Variants in SNCAIP observed in about 807,000 individuals in gnomAD.
SNCAIP encodes the protein synuclein alpha interacting protein, also known as synphilin-1.
Under a neutral mutation model 86.7 loss-of-function variants are expected in SNCAIP, and 43 were observed. The ratio of observed to expected loss-of-function variants is 0.50; its 90% CI spans 0.39 to 0.64. SNCAIP has a LOEUF of 0.64. Ranked by LOEUF, SNCAIP falls within the 30% of genes least tolerant of loss-of-function variation. The probability of loss-of-function intolerance (pLI) is 0.00; values close to 1 mark genes in which losing one functional copy is unlikely to be tolerated. For synonymous variants in SNCAIP, 417 were observed against 427.2 expected (o/e 0.98, Z 0.29); for missense variants, 981 against 1,103.1 (o/e 0.89, Z 1.57).
intron 1 of SNCAIP, among the ~76,000 whole-genome samples, chr5:122,384,694 A>G (rs1345166922): frequency 2.0e-5 from 3 of 152,256 alleles, no homozygotes; most frequent in Non-Finnish European, 4.4e-5. Context: ...GCAAGGAAGA[A>G]ATGCAGGCTC....
At chr5:122,388,091 T>C (rs1768586768) in intron 1 of SNCAIP, among the ~76,000 whole-genome samples, 1 of 152,112 alleles carries the variant, frequency 6.6e-6, no homozygotes, top group Non-Finnish European at 1.5e-5. Context: ...TCTGGGAAAA[T>C]GGGGAGCACA....
At chr5:122,436,108 A>G (rs1779410763) in intron 6 of SNCAIP, among the ~76,000 whole-genome samples, 2 of 152,138 alleles carry the variant, frequency 1.3e-5, no homozygotes, top group South Asian at 4.1e-4. Context: ...CAGAAAACAG[A>G]GTCATGAAGA....
chr5:122,356,341 C>T (rs1761014206), intron 1 of SNCAIP, among the ~76,000 whole-genome samples: 1 of 152,016 alleles, frequency 6.6e-6, no homozygotes, highest in African/African-American at 2.4e-5. Flanking sequence ...TGGTCTTGAA[C>T]TCACAGGCTC....
intron 2 of SNCAIP, among the ~76,000 whole-genome samples, chr5:122,402,952 C>T (rs948610921): frequency 2.6e-5 from 4 of 152,126 alleles, no homozygotes; most frequent in African/African-American, 9.7e-5. Flanking sequence ...CTGACTTGGC[C>T]TTTGATTAAA....
chr5:122,315,726 CA>C (rs1751571190), intron 1 of SNCAIP, among the ~76,000 whole-genome samples: 1 of 152,018 alleles, frequency 6.6e-6, no homozygotes, highest in Non-Finnish European at 1.5e-5. Flanking sequence ...AAGTATGACA[CA>C]ATGATAATAA....
chr5:122,392,773 A>G (rs1769693165), intron 2 of SNCAIP, among the ~76,000 whole-genome samples: 1 of 152,214 alleles, frequency 6.6e-6, no homozygotes, highest in South Asian at 2.1e-4. Flanking sequence ...TGAGTAAAAT[A>G]ATAATATATG....
In SNCAIP at chr5:122,391,141, G is replaced by A; in HGVS notation, c.7G>A (p.Ala3Thr). ME[A>T]PEYLDLDEID... ...AAATGTGCAAGGAAGAATAATGGAA[G>A]CCCCTGAATACCTTGATTTGGATGA... The change falls in exon 2 of 11, where the codon GCC (alanine) becomes ACC (threonine). Residue 3 changes from alanine to threonine, a missense_variant. By Grantham distance (58) the Ala-to-Thr change is moderately conservative. Transcript: ENST00000261368. 2 of 1,609,550 alleles carry A rather than the reference G, an allele frequency of 1.2e-6. No individual in the cohort carries two copies. The highest frequency in any genetic ancestry group is 1.7e-6 in the Non-Finnish European group (2 of 1,175,910).
chr5:122,364,725 TTTTC>T lies in SNCAIP; in HGVS notation c.-46-26360_-46-26357del, dbSNP rs566389907. 9.2e-5 allele frequency among the ~76,000 whole-genome samples: 14 copies of T among 152,212 alleles called. No homozygotes were observed. The South Asian group carries it at 2.7e-3, about 29-fold the overall frequency. ...AAAAATTTTTTTTTCATTAATTTCA[TTTTC>T]TTTATTTCTTTTTTTTATATTTCAA... On this transcript the variant is annotated intron_variant, in intron 1 of 10. Transcript: ENST00000261368.
intron 3 of SNCAIP, among the ~76,000 whole-genome samples, chr5:122,404,909 G>A (rs534429001): frequency 1.3e-5 from 2 of 152,280 alleles, no homozygotes; most frequent in Non-Finnish European, 2.9e-5. Flanking sequence ...GTGTGTGAGT[G>A]AAAGTAATGC....
At chr5:122,411,541 A>G (rs1164584512) in intron 3 of SNCAIP, among the ~76,000 whole-genome samples, 1 of 151,858 alleles carries the variant, frequency 6.6e-6, no homozygotes, top group African/African-American at 2.4e-5. Context: ...TTATCCACAT[A>G]TCTCCTTTGC....
At chr5:122,375,840 A>G (rs1022692849) in intron 1 of SNCAIP, among the ~76,000 whole-genome samples, 5 of 152,204 alleles carry the variant, frequency 3.3e-5, no homozygotes, top group Non-Finnish European at 7.4e-5. Flanking sequence ...AGCTTAATCA[A>G]AAGGGCACTA....
intron 1 of SNCAIP, among the ~76,000 whole-genome samples, chr5:122,342,705 A>C (rs989372598): frequency 1.3e-5 from 2 of 152,186 alleles, no homozygotes; most frequent in African/African-American, 4.8e-5. Context: ...CTGGCTCCAA[A>C]GCCCATGTCC....
chr5:122,423,220 C>T lies in SNCAIP; in HGVS notation c.483C>T (p.Ser161=), dbSNP rs142156910. The T allele has an allele frequency of 9.3e-6, 15 of 1,614,048 alleles. No homozygotes were observed. In the African/African-American group the frequency reaches 1.7e-4, roughly 19 times the overall value. ...DEILDVPYIK[S]SQQLASFTKV... ...TTCTGGATGTGCCTTATATTAAATC[C>T]AGTCAGCAGCTTGCCTCTTTTACCA... Residue 161 remains serine, a synonymous_variant, in exon 4 of 11, where the codon TCC becomes TCT. Transcript: ENST00000261368.
intron 1 of SNCAIP, among the ~76,000 whole-genome samples, chr5:122,325,774 T>A (rs752565099): frequency 2.6e-5 from 4 of 152,188 alleles, no homozygotes; most frequent in Non-Finnish European, 5.9e-5. Context: ...ATTCGCAATA[T>A]TTTTGCATTC....
chr5:122,353,033 G>A (rs1760196445), intron 1 of SNCAIP, among the ~76,000 whole-genome samples: 1 of 152,154 alleles, frequency 6.6e-6, no homozygotes, highest in African/African-American at 2.4e-5. Context: ...CTACCTGCTT[G>A]TGGTTCTGCC....
chr5:122,392,759 C>T (rs1212826649), intron 2 of SNCAIP, among the ~76,000 whole-genome samples: 1 of 152,116 alleles, frequency 6.6e-6, no homozygotes, highest in Non-Finnish European at 1.5e-5. Context: ...GTTGTTGTGA[C>T]GATTGAGTAA....
intron 10 of SNCAIP, among the ~76,000 whole-genome samples, chr5:122,452,100 T>C (rs994740708): frequency 6.6e-6 from 1 of 152,204 alleles, no homozygotes; most frequent in Non-Finnish European, 1.5e-5. Flanking sequence ...TTGAAATGAA[T>C]ACACCACAGG....
chr5:122,331,914 C>G (rs931708459), intron 1 of SNCAIP, among the ~76,000 whole-genome samples: 3 of 152,208 alleles, frequency 2.0e-5, no homozygotes, highest in Non-Finnish European at 4.4e-5. Flanking sequence ...AAACCTAGCA[C>G]AGTGCCTGGC....
intron 1 of SNCAIP, among the ~76,000 whole-genome samples, chr5:122,375,071 A>C (rs1169365665): frequency 2.0e-5 from 3 of 152,166 alleles, no homozygotes; most frequent in Non-Finnish European, 4.4e-5. Context: ...TTGCTAAGTC[A>C]TACTCTGTGT....
Sources: allele counts gnomAD v4.1 joint callset (sites outside exome capture counted in the v4.1 genomes callset), GRCh38; gene constraint gnomAD v4.1.1; transcripts MANE v1.5; gene names NCBI Gene and HGNC (gene_info 2026-07-23, HGNC 2026-07-21).